SENP1: variants seen among roughly 807,000 people sequenced by gnomAD.
SENP1 encodes the protein sentrin-specific protease 1.
SENP1 carries 21 observed loss-of-function variants against 93.0 expected under a neutral mutation model. The observed-to-expected ratio is 0.23, with a 90% CI of 0.16 to 0.33. SENP1 has a LOEUF of 0.33. Ranked by LOEUF, SENP1 falls within the 10% of genes least tolerant of loss-of-function variation. The pLI is 1.00. For missense variants in SENP1, 591 were observed against 758.7 expected (o/e 0.78, Z 2.60); for synonymous variants, 256 against 259.6 (o/e 0.99, Z 0.13).
chr12:48,043,137 G>A lies in SENP1; in HGVS notation c.*2185C>T, dbSNP rs1414145249. On this transcript the variant is annotated 3_prime_UTR_variant, in exon 18 of 18. Coordinates refer to ENST00000549518, the MANE Select transcript of SENP1 (RefSeq NM_001267594.2). Reference sequence around the variant, plus strand: ...GTCCAGGGTGGTAAGATGGTCTCAGGGTCACTAACTTCTACCTTGTGCAAA... The same window carrying A: ...GTCCAGGGTGGTAAGATGGTCTCAGAGTCACTAACTTCTACCTTGTGCAAA... The A allele has an allele frequency of 1.3e-5, 2 of 152,538 alleles. No individual in the cohort carries two copies. The highest frequency in any genetic ancestry group is 2.9e-5 in the Non-Finnish European group (2 of 68,040). 9.4% of individuals were successfully genotyped at this position (152,538 alleles called of 1,614,324 possible). A position where few individuals can be genotyped will look rare whatever the true frequency, so the allele number is the denominator to read the frequency against.
At chr12:48,064,840 C>T (rs965557733) in intron 12 of SENP1, among the ~76,000 whole-genome samples, 1 of 152,092 alleles carries the variant, frequency 6.6e-6, no homozygotes, top group Admixed American at 6.5e-5. Context: ...CCACACCCAG[C>T]TAATTTTTGT....
intron 13 of SENP1, among the ~76,000 whole-genome samples, chr12:48,062,916 T>C (rs975616044): frequency 6.6e-6 from 1 of 152,202 alleles, no homozygotes; most frequent in African/African-American, 2.4e-5. Flanking sequence ...AAATATTTAA[T>C]GATTACTACA....
chr12:48,084,872 T>C (rs1457630295), intron 5 of SENP1, among the ~76,000 whole-genome samples: 1 of 152,260 alleles, frequency 6.6e-6, no homozygotes, highest in Non-Finnish European at 1.5e-5. Flanking sequence ...CACAGCTGAA[T>C]ATTCTAAATT....
chr12:48,083,874 A>G, intron 5 of SENP1, 112 bp from the exon 6 acceptor site: 1 of 693,258 alleles, frequency 1.4e-6, no homozygotes, highest in Non-Finnish European at 2.4e-6. Context: ...AACAGGTAAA[A>G]TAATAGGTTT....
Position 48,057,318 on chromosome 12 carries a change from C to A in SENP1, c.1407+6392G>T, listed in dbSNP as rs1942614510. Among the ~76,000 whole-genome samples, 3 of 147,120 alleles carry A rather than the reference C, an allele frequency of 2.0e-5. No individual in the cohort carries two copies. The Admixed American group carries it at 2.1e-4, about 10-fold the overall frequency. On this transcript the variant is annotated intron_variant, in intron 13 of 17. Transcript: ENST00000549518. ...GATCTTGGCTCACTGCAACCTCCAC[C>A]TCCCAAGTTCAAGCGATTCTCGTGC... is the stretch of plus-strand genomic sequence containing the variant.
Position 48,063,801 on chromosome 12 carries a change from T to C in SENP1, c.1316A>G (p.Asn439Ser), listed in dbSNP as rs1426586006. 1 of 1,612,768 alleles carries C rather than the reference T, an allele frequency of 6.2e-7. No homozygotes were observed. Among genetic ancestry groups the C allele is most frequent in the African/African-American group, 1.3e-5 (1 of 74,900 alleles). ...TGCTTCACTGAGAACTTCATCCTGA[T>C]TCCCATTACGAAATACATTCTTTAT... ...KEIKNVFRNG[N>S]QDEVLSEAFR... The change falls in exon 13 of 18, where the codon AAT (asparagine) becomes AGT (serine). Residue 439 changes from asparagine to serine, a missense_variant. Asn to Ser is a conservative substitution (Grantham distance 46, BLOSUM62 1). Coordinates refer to ENST00000549518, the MANE Select transcript of SENP1 (RefSeq NM_001267594.2).
In SENP1 at chr12:48,048,097, A is replaced by C; in HGVS notation, c.1612-17T>G. 7.1e-6 allele frequency: 11 copies of C among 1,538,680 alleles called. No individual in the cohort carries two copies. Among genetic ancestry groups the C allele is most frequent in the Non-Finnish European group, 9.9e-6 (11 of 1,112,460 alleles). ...GTCCACAACCTGAGAATAAGAAAAA[A>C]AGTCTCTGTGTTTATGAGATGAAGA... On this transcript the variant is annotated splice_polypyrimidine_tract_variant and intron_variant, in intron 14 of 17. Transcript: ENST00000549518.
chr12:48,069,738 G>A (rs1276466455), intron 9 of SENP1, among the ~76,000 whole-genome samples: 1 of 152,140 alleles, frequency 6.6e-6, no homozygotes, highest in Non-Finnish European at 1.5e-5. Context: ...GCTACATGAA[G>A]CCTTTTCCAA....
intron 8 of SENP1, among the ~76,000 whole-genome samples, chr12:48,073,163 C>T (rs1943829214): frequency 6.6e-6 from 1 of 152,068 alleles, no homozygotes; most frequent in Admixed American, 6.5e-5. Context: ...GTATTTATTA[C>T]ATGGTACAAG....
At chr12:48,074,224 C>T in intron 8 of SENP1, 100 bp downstream of exon 8, 1 of 1,017,180 alleles carries the variant, frequency 9.8e-7, no homozygotes, top group Non-Finnish European at 1.5e-6. Flanking sequence ...TCGGTATGCT[C>T]ATTTATTTAT....
intron 13 of SENP1, among the ~76,000 whole-genome samples, chr12:48,061,924 C>A (rs1284375509): frequency 6.6e-6 from 1 of 152,062 alleles, no homozygotes; most frequent in East Asian, 1.9e-4. Context: ...GAAATGCACT[C>A]CTTCTACAAA....
intron 5 of SENP1, among the ~76,000 whole-genome samples, chr12:48,085,996 C>T (rs541109637): frequency 6.6e-6 from 1 of 152,184 alleles, no homozygotes; most frequent in Non-Finnish European, 1.5e-5. Flanking sequence ...AAGGGTGTTA[C>T]CCAAAATTCA....
rs1458146984 is a variant in SENP1, at chr12:48,043,363, T to C, written c.*1959A>G. 1 of 152,680 alleles carries C rather than the reference T, an allele frequency of 6.5e-6. No homozygotes were observed. The highest frequency in any genetic ancestry group is 2.4e-5 in the African/African-American group (1 of 41,470). 9.5% of individuals were successfully genotyped at this position (152,680 alleles called of 1,614,324 possible). On this transcript the variant is annotated 3_prime_UTR_variant, in exon 18 of 18. Transcript: ENST00000549518. ...AAACAATAAATACAGAGAACAATCT[T>C]GTTCTGAGTCCCCCAGACAATAGTG... is the stretch of plus-strand genomic sequence containing the variant.
chr12:48,076,867 G>A (rs185128700), intron 6 of SENP1, among the ~76,000 whole-genome samples: 2 of 151,006 alleles, frequency 1.3e-5, no homozygotes, highest in African/African-American at 4.9e-5. Context: ...CAATGGTCTC[G>A]ATCTCCTGAC....
In SENP1 at chr12:48,043,809, G is replaced by A. The variant is rs1565721419; in HGVS notation, c.*1513C>T. ...GTTTTCTTTTCAAATTGTAACTTGTGGTAAAACATAGAAAAATGTACTAAA... is the reference window on the plus strand; with the variant it reads ...GTTTTCTTTTCAAATTGTAACTTGTAGTAAAACATAGAAAAATGTACTAAA... On this transcript the variant is annotated 3_prime_UTR_variant, in exon 18 of 18. Transcript: ENST00000549518. 6.6e-6 allele frequency: 1 copy of A among 152,296 alleles called. No homozygotes were observed. Among genetic ancestry groups the A allele is most frequent in the Non-Finnish European group, 1.5e-5 (1 of 67,990 alleles). The allele number at this position is 152,296 out of a possible 1,614,324, so 9.4% of individuals were successfully genotyped here. A position where few individuals can be genotyped will look rare whatever the true frequency, so the allele number is the denominator to read the frequency against.
chr12:48,061,328 A>C (rs1217324315), intron 13 of SENP1, among the ~76,000 whole-genome samples: 1 of 152,228 alleles, frequency 6.6e-6, no homozygotes, highest in African/African-American at 2.4e-5. Context: ...GAAAATATCT[A>C]CTTGAGGGAA....
Position 48,096,416 on chromosome 12 carries a change from G to C in SENP1, c.147C>G (p.Ser49=). 6.2e-7 allele frequency: 1 copy of C among 1,606,208 alleles called. No individual in the cohort carries two copies. The change falls in exon 4 of 18, where the codon TCC becomes TCG. Residue 49 remains serine, a synonymous_variant. Coordinates refer to ENST00000549518, the MANE Select transcript of SENP1 (RefSeq NM_001267594.2). ...LSLSDQQILS[S]RQGHLDRSFT... is the part of the protein sequence containing the mutation. ...AAGATCGGTCCAAATGTCCTTGCCT[G>C]GAAGATAAAATCTAAACAAAGCAGA...
intron 6 of SENP1, among the ~76,000 whole-genome samples, chr12:48,083,027 C>T (rs750760113): frequency 1.1e-4 from 17 of 152,094 alleles, no homozygotes; most frequent in African/African-American, 2.7e-4. Flanking sequence ...ACCTCAGCCT[C>T]GCCAGTAGCT....
rs1456635462 is a variant in SENP1, at chr12:48,074,940, C to T, written c.553-147G>A. On this transcript the variant is annotated intron_variant, in intron 6 of 17. Coordinates refer to ENST00000549518, the MANE Select transcript of SENP1 (RefSeq NM_001267594.2). ...AAGAATTATGGGCCTAACACAGTGG[C>T]TCATGCCTGTAATTCCAGCACTTTG... The T allele has an allele frequency of 4.9e-6, 3 of 612,102 alleles. No homozygotes were observed. The Admixed American group carries it at 8.9e-5, about 18-fold the overall frequency. 37.9% of individuals were successfully genotyped at this position (612,102 alleles called of 1,614,324 possible).
Sources: allele counts gnomAD v4.1 joint callset (sites outside exome capture counted in the v4.1 genomes callset), GRCh38; gene constraint gnomAD v4.1.1; transcripts MANE v1.5; gene names NCBI Gene and HGNC (gene_info 2026-07-23, HGNC 2026-07-21).